Variants in OR6M1 observed in about 807,000 individuals in gnomAD.
OR6M1 encodes the protein olfactory receptor family 6 subfamily M member 1.
For missense variants in OR6M1, 364 were observed against 377.8 expected (o/e 0.96, Z 0.30); for synonymous variants, 167 against 146.3 (o/e 1.14, Z -1.02).
At position 123,806,068 on chromosome 11, in the gene OR6M1, A is replaced by G. The variant is rs2137432789; in HGVS notation, c.282T>C (p.Gly94=). The change falls in exon 1 of 1, where the codon GGT becomes GGC. Residue 94 remains glycine, a synonymous_variant. Coordinates refer to ENST00000309154, the MANE Select transcript of OR6M1 (RefSeq NM_001005325.1). ...LGEEKTISFA[G]CMIQTYFYFF... ...AGTAGAAATATGTTTGGATCATGCA[A>G]CCAGCAAAAGATATGGTTTTCTCTT... The G allele has an allele frequency of 6.2e-7, 1 of 1,614,134 alleles. No homozygotes were observed. Among genetic ancestry groups the G allele is most frequent in the East Asian group, 2.2e-5 (1 of 44,872 alleles).
At position 123,805,662 on chromosome 11, in the gene OR6M1, C is replaced by T; in HGVS notation, c.688G>A (p.Gly230Ser). Residue 230 changes from glycine (G) to serine (S), a missense_variant, in exon 1 of 1, where the codon GGC becomes AGC. By Grantham distance (56) the Gly-to-Ser change is moderately conservative (BLOSUM62 0). Transcript: ENST00000309154. ...CAGGTAGAAAAAGCTTTCTGACGGCCCTGGGTGGAGGGGATACGCAGGATG... is the reference window on the plus strand; with the variant it reads ...CAGGTAGAAAAAGCTTTCTGACGGCTCTGGGTGGAGGGGATACGCAGGATG... ...STILRIPSTQ[G>S]RQKAFSTCAS... 1 of 1,613,856 alleles carries T rather than the reference C, an allele frequency of 6.2e-7. No homozygotes were observed. Among genetic ancestry groups the T allele is most frequent in the Non-Finnish European group, 8.5e-7 (1 of 1,179,950 alleles).
Position 123,805,956 on chromosome 11 carries a change from C to A in OR6M1, c.394G>T (p.Val132Phe), listed in dbSNP as rs1862384808. The change falls in exon 1 of 1, where the codon GTC (valine) becomes TTC (phenylalanine). Residue 132 changes from valine to phenylalanine, a missense_variant. By Grantham distance (50) the Val-to-Phe change is conservative. Transcript: ENST00000309154. Reference sequence around the variant, plus strand: ...AGGCAGGCCCTGCTGTTCATGATGACCGTGTAGTGCAGTGGGTCGCAGATA... The same window carrying A: ...AGGCAGGCCCTGCTGTTCATGATGAACGTGTAGTGCAGTGGGTCGCAGATA... ...MAICDPLHYTVIMNSRACLLL... is the reference protein window; with the variant it reads ...MAICDPLHYTFIMNSRACLLL... The A allele has an allele frequency of 6.2e-7, 1 of 1,613,560 alleles. No homozygotes were observed. Among genetic ancestry groups the A allele is most frequent in the South Asian group, 1.1e-5 (1 of 91,026 alleles).
Position 123,806,308 on chromosome 11 carries a change from G to T in OR6M1, c.42C>A (p.Ala14=). 1 of 1,612,690 alleles carries T rather than the reference G, an allele frequency of 6.2e-7. No individual in the cohort carries two copies. Among genetic ancestry groups the T allele is most frequent in the South Asian group, 1.1e-5 (1 of 91,004 alleles). Residue 14 remains alanine (A), a synonymous_variant, in exon 1 of 1, where the codon GCC becomes GCA. Coordinates refer to ENST00000309154, the MANE Select transcript of OR6M1 (RefSeq NM_001005325.1). ...WSTVTEITLI[A]FPALLEIRIS... The stretch of plus-strand genomic sequence containing the variant: ...TTCGAATCTCCAGGAGAGCTGGGAA[G>T]GCAATTAGGGTGATTTCAGTCACAG...
rs767017379 is a variant in OR6M1, at chr11:123,805,651, T to A, written c.699A>T (p.Lys233Asn). 1 of 1,613,934 alleles carries A rather than the reference T, an allele frequency of 6.2e-7. No individual in the cohort carries two copies. Among genetic ancestry groups the A allele is most frequent in the Non-Finnish European group, 8.5e-7 (1 of 1,179,956 alleles). ...TGTGAGAAGCACAGGTAGAAAAAGCTTTCTGACGGCCCTGGGTGGAGGGGA... is the reference window on the plus strand; with the variant it reads ...TGTGAGAAGCACAGGTAGAAAAAGCATTCTGACGGCCCTGGGTGGAGGGGA... The part of the protein sequence containing the change: ...LRIPSTQGRQ[K>N]AFSTCASHIT... The change falls in exon 1 of 1, where the codon AAA (lysine) becomes AAT (asparagine). Residue 233 changes from lysine (K) to asparagine (N), a missense_variant. Lys to Asn is a moderately conservative substitution (Grantham distance 94). Transcript: ENST00000309154.
rs766989059 is a variant in OR6M1 at position 123,805,756 on chromosome 11, G to T, written c.594C>A (p.Leu198=). Reference sequence around the variant, plus strand: ...AGCTCAGGATGACAAGGGCAGAGAGGAGAAAGTTTATCTTCTCAATGAGGT... The same window carrying T: ...AGCTCAGGATGACAAGGGCAGAGAGTAGAAAGTTTATCTTCTCAATGAGGT... The part of the protein sequence containing the change: ...NTHLIEKINF[L]LSALVILSSL... Residue 198 remains leucine (L), a synonymous_variant, in exon 1 of 1, where the codon CTC becomes CTA. Coordinates refer to ENST00000309154, the MANE Select transcript of OR6M1 (RefSeq NM_001005325.1). 1.2e-6 allele frequency: 2 copies of T among 1,613,974 alleles called. No homozygotes were observed. The highest frequency in any genetic ancestry group is 8.5e-7 in the Non-Finnish European group (1 of 1,179,912).
At position 123,805,959 on chromosome 11, in the gene OR6M1, T is replaced by C; in HGVS notation, c.391A>G (p.Thr131Ala). 6.2e-7 allele frequency: 1 copy of C among 1,613,724 alleles called. No homozygotes were observed. The highest frequency in any genetic ancestry group is 8.5e-7 in the Non-Finnish European group (1 of 1,179,918). ...CAGGCCCTGCTGTTCATGATGACCG[T>C]GTAGTGCAGTGGGTCGCAGATAGCC... Reference protein sequence around the residue: ...YMAICDPLHYTVIMNSRACLL... With the variant: ...YMAICDPLHYAVIMNSRACLL... Residue 131 changes from threonine to alanine, a missense_variant, in exon 1 of 1, where the codon ACG becomes GCG. Physicochemically the swap from Thr to Ala is moderately conservative, Grantham distance 58. Transcript: ENST00000309154.
rs2137433033 is a variant in OR6M1 at position 123,806,243 on chromosome 11, G to A, written c.107C>T (p.Thr36Ile). 9.3e-6 allele frequency: 15 copies of A among 1,613,992 alleles called. No homozygotes were observed. The highest frequency in any genetic ancestry group is 1.3e-5 in the Non-Finnish European group (15 of 1,179,902). The change falls in exon 1 of 1, where the codon ACA (threonine) becomes ATA (isoleucine). Residue 36 changes from threonine (T) to isoleucine (I), a missense_variant. Thr to Ile is a moderately conservative substitution (Grantham distance 89). Coordinates refer to ENST00000309154, the MANE Select transcript of OR6M1 (RefSeq NM_001005325.1). ...GATGATGGTGATGTTTCCTGTTGCT[G>A]TTAATGTGTAAGTTACCACAAGAAC... ...FVVLVVTYTLTATGNITIISL... is the reference protein window; with the variant it reads ...FVVLVVTYTLIATGNITIISL...
Position 123,805,430 on chromosome 11 carries a change from G to A in OR6M1, c.920C>T (p.Thr307Ile). ...GTGTCAAGTTTTCCTTTGTATCAAG[G>A]TCATGATTCTGTTCACTGTCTCTCT... ...VLRETVNRIMTLIQRKT is the reference protein window; with the variant it reads ...VLRETVNRIMILIQRKT Residue 307 changes from threonine to isoleucine, a missense_variant, in exon 1 of 1, where the codon ACC (threonine) becomes ATC (isoleucine). Physicochemically the swap from Thr to Ile is moderately conservative, Grantham distance 89. Transcript: ENST00000309154. 1.2e-6 allele frequency: 2 copies of A among 1,609,880 alleles called. No individual in the cohort carries two copies. Among genetic ancestry groups the A allele is most frequent in the Non-Finnish European group, 1.7e-6 (2 of 1,177,774 alleles).
In OR6M1 at chr11:123,806,136, T is replaced by G; in HGVS notation, c.214A>C (p.Thr72Pro). ...SNLSFLDILY[T>P]TVITPKLLAC... ...AACAACTTTGGGGTAATGACAGTGG[T>G]GTATAAGATATCCAGAAAGGACAAA... The change falls in exon 1 of 1, where the codon ACC (threonine) becomes CCC (proline). Residue 72 changes from threonine to proline, a missense_variant. Coordinates refer to ENST00000309154, the MANE Select transcript of OR6M1 (RefSeq NM_001005325.1). The G allele has an allele frequency of 6.2e-7, 1 of 1,614,062 alleles. No homozygotes were observed. The highest frequency in any genetic ancestry group is 8.5e-7 in the Non-Finnish European group (1 of 1,179,968).
At position 123,805,904 on chromosome 11, in the gene OR6M1, C is replaced by G; in HGVS notation, c.446G>C (p.Gly149Ala). Residue 149 changes from glycine (G) to alanine (A), a missense_variant, in exon 1 of 1, where the codon GGA (glycine) becomes GCA (alanine). By Grantham distance (60) the Gly-to-Ala change is moderately conservative. Transcript: ENST00000309154. ...TGGAAACAACACAGACAGGAAGGCTCCCACCCAGCATCCCAGAACCAGCAG... is the reference window on the plus strand; with the variant it reads ...TGGAAACAACACAGACAGGAAGGCTGCCACCCAGCATCCCAGAACCAGCAG... ...CLLLVLGCWV[G>A]AFLSVLFPTI... is the part of the protein sequence containing the mutation. 6.2e-7 allele frequency: 1 copy of G among 1,613,884 alleles called. No individual in the cohort carries two copies. Among genetic ancestry groups the G allele is most frequent in the East Asian group, 2.2e-5 (1 of 44,866 alleles).
In OR6M1 at chr11:123,805,901, G is replaced by C; in HGVS notation, c.449C>G (p.Ala150Gly). ...GGTTGGAAACAACACAGACAGGAAGGCTCCCACCCAGCATCCCAGAACCAG... is the reference window on the plus strand; with the variant it reads ...GGTTGGAAACAACACAGACAGGAAGCCTCCCACCCAGCATCCCAGAACCAG... Reference protein sequence around the residue: ...LLLVLGCWVGAFLSVLFPTIV... With the variant: ...LLLVLGCWVGGFLSVLFPTIV... Residue 150 changes from alanine to glycine, a missense_variant, in exon 1 of 1, where the codon GCC (alanine) becomes GGC (glycine). Ala to Gly is a moderately conservative substitution (Grantham distance 60). Coordinates refer to ENST00000309154, the MANE Select transcript of OR6M1 (RefSeq NM_001005325.1). The C allele has an allele frequency of 1.2e-6, 2 of 1,613,892 alleles. No homozygotes were observed. Among genetic ancestry groups the C allele is most frequent in the East Asian group, 2.2e-5 (1 of 44,868 alleles).
rs899614809 is a variant in OR6M1, at chr11:123,805,874, A to G, written c.476T>C (p.Ile159Thr). The stretch of plus-strand genomic sequence containing the variant: ...ACAGTAAGGTAGCCTTGTCACTACA[A>G]TGGTTGGAAACAACACAGACAGGAA... ...GAFLSVLFPT[I>T]VVTRLPYCRK... Residue 159 changes from isoleucine (I) to threonine (T), a missense_variant, in exon 1 of 1, where the codon ATT becomes ACT. Coordinates refer to ENST00000309154, the MANE Select transcript of OR6M1 (RefSeq NM_001005325.1). 1.9e-6 allele frequency: 3 copies of G among 1,613,896 alleles called. No homozygotes were observed. The highest frequency in any genetic ancestry group is 1.3e-5 in the African/African-American group (1 of 74,884).
chr11:123,806,232 T>C lies in OR6M1; in HGVS notation c.118A>G (p.Asn40Asp). Reference protein sequence around the residue: ...VVTYTLTATGNITIISLIWID... With the variant: ...VVTYTLTATGDITIISLIWID... ...CATATCAGGGAGATGATGGTGATGT[T>C]TCCTGTTGCTGTTAATGTGTAAGTT... The change falls in exon 1 of 1, where the codon AAC becomes GAC. Residue 40 changes from asparagine (N) to aspartate (D), a missense_variant. Transcript: ENST00000309154. 3.7e-6 allele frequency: 6 copies of C among 1,613,998 alleles called. No individual in the cohort carries two copies. In the South Asian group the frequency reaches 4.4e-5, roughly 12 times the overall value.
chr11:123,805,991 C>A lies in OR6M1; in HGVS notation c.359G>T (p.Arg120Leu), dbSNP rs150034702. The A allele has an allele frequency of 6.2e-7, 1 of 1,613,740 alleles. No individual in the cohort carries two copies. Among genetic ancestry groups the A allele is most frequent in the African/African-American group, 1.3e-5 (1 of 74,958 alleles). Residue 120 changes from arginine (R) to leucine (L), a missense_variant, in exon 1 of 1, where the codon CGC (arginine) becomes CTC (leucine). Coordinates refer to ENST00000309154, the MANE Select transcript of OR6M1 (RefSeq NM_001005325.1). Reference sequence around the variant, plus strand: ...CAGTGGGTCGCAGATAGCCATGTAGCGGTCAAAGGACATCACCGCCAAGAG... The same window carrying A: ...CAGTGGGTCGCAGATAGCCATGTAGAGGTCAAAGGACATCACCGCCAAGAG... ...FILLAVMSFD[R>L]YMAICDPLHY...
chr11:123,805,622 G>A lies in OR6M1; in HGVS notation c.728C>T (p.Thr243Ile). ...GCTCCCGTGGGCAATGGAGACAACA[G>A]TGATGTGAGAAGCACAGGTAGAAAA... ...KAFSTCASHI[T>I]VVSIAHGSNI... Residue 243 changes from threonine to isoleucine, a missense_variant, in exon 1 of 1, where the codon ACT (threonine) becomes ATT (isoleucine). Thr to Ile is a moderately conservative substitution (Grantham distance 89). Coordinates refer to ENST00000309154, the MANE Select transcript of OR6M1 (RefSeq NM_001005325.1). The A allele has an allele frequency of 6.2e-7, 1 of 1,613,996 alleles. No homozygotes were observed. The highest frequency in any genetic ancestry group is 8.5e-7 in the Non-Finnish European group (1 of 1,179,978).
Position 123,806,292 on chromosome 11 carries a change from C to A in OR6M1, c.58G>T (p.Glu20Ter). 1 of 1,613,672 alleles carries A rather than the reference C, an allele frequency of 6.2e-7. No individual in the cohort carries two copies. Among genetic ancestry groups the A allele is most frequent in the Non-Finnish European group, 8.5e-7 (1 of 1,179,922 alleles). Reference protein sequence around the residue: ...ITLIAFPALLEIRISLFVVLV... With the variant: ...ITLIAFPALL ...ACCACGAAGAGAGATATTCGAATCT[C>A]CAGGAGAGCTGGGAAGGCAATTAGG... Residue 20 changes from glutamate to a stop codon, truncating the protein, a stop_gained, in exon 1 of 1, where the codon GAG becomes TAG. Coordinates refer to ENST00000309154, the MANE Select transcript of OR6M1 (RefSeq NM_001005325.1). LOFTEE classifies it low-confidence loss of function (END_TRUNC).
Position 123,806,041 on chromosome 11 carries a change from G to A in OR6M1, c.309C>T (p.Phe103=). Residue 103 remains phenylalanine, a synonymous_variant, in exon 1 of 1, where the codon TTC becomes TTT. Transcript: ENST00000309154. ...GGATAAACTCCACCGTCCCCAGAAA[G>A]AAGTAGAAATATGTTTGGATCATGC... The part of the protein sequence containing the change: ...AGCMIQTYFY[F]FLGTVEFILL... 6.2e-7 allele frequency: 1 copy of A among 1,614,078 alleles called. No individual in the cohort carries two copies. The highest frequency in any genetic ancestry group is 8.5e-7 in the Non-Finnish European group (1 of 1,179,996).
Position 123,806,134 on chromosome 11 carries a change from G to T in OR6M1, c.216C>A (p.Thr72=). The T allele has an allele frequency of 6.2e-7, 1 of 1,614,056 alleles. No individual in the cohort carries two copies. Among genetic ancestry groups the T allele is most frequent in the Non-Finnish European group, 8.5e-7 (1 of 1,179,950 alleles). ...SNLSFLDILY[T]TVITPKLLAC... The stretch of plus-strand genomic sequence containing the variant: ...CCAACAACTTTGGGGTAATGACAGT[G>T]GTGTATAAGATATCCAGAAAGGACA... Residue 72 remains threonine (T), a synonymous_variant, in exon 1 of 1, where the codon ACC becomes ACA. Transcript: ENST00000309154.
Position 123,805,626 on chromosome 11 carries a change from T to C in OR6M1, c.724A>G (p.Ile242Val). The C allele has an allele frequency of 6.2e-7, 1 of 1,613,958 alleles. No homozygotes were observed. ...CCGTGGGCAATGGAGACAACAGTGA[T>C]GTGAGAAGCACAGGTAGAAAAAGCT... ...QKAFSTCASH[I>V]TVVSIAHGSN... Residue 242 changes from isoleucine to valine, a missense_variant, in exon 1 of 1, where the codon ATC becomes GTC. Physicochemically the swap from Ile to Val is conservative, Grantham distance 29. Transcript: ENST00000309154.
Sources: allele counts gnomAD v4.1 joint callset, GRCh38; gene constraint gnomAD v4.1.1; transcripts MANE v1.5; gene names NCBI Gene and HGNC (gene_info 2026-07-23, HGNC 2026-07-21).